Variants in SRPK2 observed in about 807,000 individuals in gnomAD.
The protein encoded by SRPK2 is SFRS protein kinase 2.
SRPK2 carries 21 observed loss-of-function variants against 90.8 expected under a neutral mutation model. That is an observed-to-expected ratio of 0.23 (90% CI 0.16 to 0.33). The LOEUF is 0.33. Ranked by LOEUF, SRPK2 falls within the 10% of genes least tolerant of loss-of-function variation. SRPK2 has a pLI of 1.00. For synonymous variants in SRPK2, 288 were observed against 311.1 expected (o/e 0.93, Z 0.78); for missense variants, 620 against 869.0 (o/e 0.71, Z 3.60).
intron 2 of SRPK2, among the ~76,000 whole-genome samples, chr7:105,361,628 T>C (rs10224564): frequency 0.18 from 27,679 of 151,958 alleles, 3,187 homozygotes; most frequent in East Asian, 0.58. Flanking sequence ...AAAACAGATA[T>C]ATAGATCAAT....
chr7:105,394,145 CTT>C (rs746514839), upstream of SRPK2, among the ~76,000 whole-genome samples: 18 of 139,898 alleles, frequency 1.3e-4, no homozygotes, highest in Admixed American at 3.6e-4. Flanking sequence ...TTCTTTCTTT[CTT>C]TTTTTTTTTT....
intron 3 of SRPK2, among the ~76,000 whole-genome samples, chr7:105,175,088 C>T (rs1211115091): frequency 6.6e-6 from 1 of 150,816 alleles, no homozygotes; most frequent in Admixed American, 6.6e-5. Context: ...GTTGCGGAGT[C>T]GAGATCACAC....
intron 2 of SRPK2, among the ~76,000 whole-genome samples, chr7:105,349,748 C>CT (rs1190375255): frequency 6.0e-5 from 9 of 151,232 alleles, no homozygotes; most frequent in African/African-American, 1.2e-4. Flanking sequence ...CGGTGCCTGT[C>CT]TTTTTTTTTG....
At chr7:105,361,102 CCTT>C (rs1405819238) in intron 2 of SRPK2, among the ~76,000 whole-genome samples, 2 of 152,158 alleles carry the variant, frequency 1.3e-5, no homozygotes, top group Non-Finnish European at 2.9e-5. Context: ...CCCAAAATCT[CCTT>C]AAGCTGATAA....
intron 1 of SRPK2, among the ~76,000 whole-genome samples, chr7:105,398,792 G>A (rs1409597118): frequency 6.6e-6 from 1 of 152,184 alleles, no homozygotes; most frequent in East Asian, 1.9e-4. Context: ...GAGCCAGACT[G>A]CCAGAGTTCA....
At chr7:105,276,012 T>A (rs999676312) in intron 2 of SRPK2, among the ~76,000 whole-genome samples, 1 of 152,190 alleles carries the variant, frequency 6.6e-6, no homozygotes, top group Non-Finnish European at 1.5e-5. Flanking sequence ...TTCCTTTCAC[T>A]TGCCAAATTC....
intron 2 of SRPK2, among the ~76,000 whole-genome samples, chr7:105,352,357 T>C (rs1159953417): frequency 6.6e-6 from 1 of 152,140 alleles, no homozygotes; most frequent in Non-Finnish European, 1.5e-5. Flanking sequence ...TGCTCCCTCT[T>C]GATGAAGCCA....
chr7:105,288,970 C>T (rs142214768), intron 2 of SRPK2, among the ~76,000 whole-genome samples: 2,935 of 151,980 alleles, frequency 0.019, 65 homozygotes, highest in Non-Finnish European at 0.028. Flanking sequence ...TAAAAAATAA[C>T]TTCCAGCCAG....
intron 11 of SRPK2, among the ~76,000 whole-genome samples, chr7:105,139,201 CAA>C (rs1803333218): frequency 6.6e-6 from 1 of 152,100 alleles, no homozygotes; most frequent in South Asian, 2.1e-4. Context: ...GAGCATACTG[CAA>C]AGACACTCTA....
At chr7:105,152,660 C>A (rs905008937) in intron 7 of SRPK2, among the ~76,000 whole-genome samples, 1 of 152,186 alleles carries the variant, frequency 6.6e-6, no homozygotes, top group African/African-American at 2.4e-5. Context: ...CTTGCAAAAT[C>A]TGACAGAGTT....
intron 2 of SRPK2, among the ~76,000 whole-genome samples, chr7:105,380,947 T>TAAAAA (rs869039181): frequency 1.9e-5 from 2 of 104,128 alleles, no homozygotes; most frequent in African/African-American, 3.6e-5. Context: ...TTTATTACTT[T>TAAAAA]AAAAAAAAAA....
chr7:105,204,605 G>T, intron 2 of SRPK2: 2 of 582,852 alleles, frequency 3.4e-6, no homozygotes, highest in South Asian at 1.6e-5. Context: ...TGAAGATGAC[G>T]GCTGCTGTGG....
chr7:105,361,695 G>A (rs1818442638), intron 2 of SRPK2, among the ~76,000 whole-genome samples: 1 of 152,138 alleles, frequency 6.6e-6, no homozygotes, highest in Admixed American at 6.6e-5. Context: ...TCTGATCTTT[G>A]ACAAACCTGA....
At chr7:105,283,172 G>C (rs966012725) in intron 2 of SRPK2, among the ~76,000 whole-genome samples, 1 of 152,188 alleles carries the variant, frequency 6.6e-6, no homozygotes, top group Non-Finnish European at 1.5e-5. Flanking sequence ...AGAGAATTTC[G>C]AGACTTCAGG....
intron 2 of SRPK2, among the ~76,000 whole-genome samples, chr7:105,233,142 A>AGGGGAAAG (rs1799714736): frequency 7.0e-6 from 1 of 142,238 alleles, no homozygotes; most frequent in African/African-American, 2.6e-5. Context: ...GAAGGAAGGA[A>AGGGGAAAG]GGAAGGAAGG....
At chr7:105,179,609 G>A (rs1361109883) in intron 3 of SRPK2, among the ~76,000 whole-genome samples, 1 of 152,064 alleles carries the variant, frequency 6.6e-6, no homozygotes, top group Non-Finnish European at 1.5e-5. Context: ...CGGATCCCTT[G>A]AGGTCAGGAG....
Position 105,142,334 on chromosome 7 carries a change from T to G in SRPK2, c.1217A>C (p.Glu406Ala). 6.2e-7 allele frequency: 1 copy of G among 1,614,174 alleles called. No homozygotes were observed. Among genetic ancestry groups the G allele is most frequent in the Non-Finnish European group, 8.5e-7 (1 of 1,180,018 alleles). Residue 406 changes from glutamate (E) to alanine (A), a missense_variant, in exon 11 of 16, where the codon GAG becomes GCG. By Grantham distance (107) the Glu-to-Ala change is moderately radical. Around this residue, in one of 8 missense-constraint regions of SRPK2, gnomAD observed 243 missense variants for 245.7 expected, o/e 0.99. Coordinates refer to ENST00000393651, the MANE Select transcript of SRPK2 (RefSeq NM_182692.3). ...ATCATCTTCATCGTCCAGTTGCTGC[T>G]CCAGTGAGAATGGGCCATTCTCAAT... ...GHIENGPFSL[E>A]QQLDDEDDDE...
At chr7:105,220,364 T>C (rs1176169038) in intron 2 of SRPK2, among the ~76,000 whole-genome samples, 1 of 151,892 alleles carries the variant, frequency 6.6e-6, no homozygotes, top group African/African-American at 2.4e-5. Flanking sequence ...CCATCTCTAC[T>C]AAAAATACAA....
intron 2 of SRPK2, among the ~76,000 whole-genome samples, chr7:105,330,648 A>C (rs1010606898): frequency 6.6e-6 from 1 of 152,186 alleles, no homozygotes; most frequent in African/African-American, 2.4e-5. Flanking sequence ...GAAGGATTCT[A>C]AAACTGCACC....
Sources: allele counts gnomAD v4.1 joint callset (sites outside exome capture counted in the v4.1 genomes callset), GRCh38; gene constraint gnomAD v4.1.1; regional missense constraint gnomAD v4.1.1; transcripts MANE v1.5; gene names NCBI Gene and HGNC (gene_info 2026-07-23, HGNC 2026-07-21).